Variants in CNTN5 observed in about 807,000 individuals in gnomAD.
CNTN5 encodes contactin 5.
CNTN5 carries 77 observed loss-of-function variants against 129.1 expected under a neutral mutation model. That is an observed-to-expected ratio of 0.60 (90% CI 0.50 to 0.72). The LOEUF is 0.72. Ranked by LOEUF, CNTN5 falls within the 30% of genes least tolerant of loss-of-function variation. CNTN5 has a pLI of 0.00. For missense variants in CNTN5, 1,478 were observed against 1,328.8 expected (o/e 1.11, Z -1.75); for synonymous variants, 509 against 465.6 (o/e 1.09, Z -1.20).
chr11:100,105,412 G>T (rs919265226), intron 13 of CNTN5, among the ~76,000 whole-genome samples: 2 of 152,202 alleles, frequency 1.3e-5, no homozygotes, highest in African/African-American at 2.4e-5. Context: ...TGAGACTTCC[G>T]GTACATCAAA....
chr11:99,109,908 T>G (rs1857708678), intron 1 of CNTN5, among the ~76,000 whole-genome samples: 1 of 152,146 alleles, frequency 6.6e-6, no homozygotes, highest in Non-Finnish European at 1.5e-5. Flanking sequence ...TCCTAGAATC[T>G]TTACTAAGCT....
intron 2 of CNTN5, among the ~76,000 whole-genome samples, chr11:99,542,964 A>G (rs1948165296): frequency 6.6e-6 from 1 of 152,234 alleles, no homozygotes; most frequent in Non-Finnish European, 1.5e-5. Flanking sequence ...AGGCTGCCTC[A>G]TAAAGGCCAT....
At chr11:99,496,193 C>T (rs1946217650) in intron 2 of CNTN5, among the ~76,000 whole-genome samples, 1 of 152,004 alleles carries the variant, frequency 6.6e-6, no homozygotes, top group Non-Finnish European at 1.5e-5. Context: ...GATAGAGAAG[C>T]GTGACGAGGA....
At chr11:100,007,171 C>A (rs1297351498) in intron 9 of CNTN5, among the ~76,000 whole-genome samples, 1 of 151,962 alleles carries the variant, frequency 6.6e-6, no homozygotes, top group Non-Finnish European at 1.5e-5. Context: ...TGTCACCAGG[C>A]TTTGTTGTTC....
At chr11:100,176,700 C>A (rs1023804216) in intron 13 of CNTN5, among the ~76,000 whole-genome samples, 1 of 151,822 alleles carries the variant, frequency 6.6e-6, no homozygotes, top group Non-Finnish European at 1.5e-5. Context: ...GAAGTCTGAG[C>A]AATTTAGAGA....
intron 1 of CNTN5, among the ~76,000 whole-genome samples, chr11:99,271,541 T>C (rs192960428): frequency 8.6e-5 from 13 of 151,990 alleles, no homozygotes; most frequent in African/African-American, 3.1e-4. Flanking sequence ...GCCTAAAGCA[T>C]CATATATTTA....
chr11:99,443,667 C>A (rs1943934952), intron 2 of CNTN5, among the ~76,000 whole-genome samples: 1 of 152,124 alleles, frequency 6.6e-6, no homozygotes, highest in African/African-American at 2.4e-5. Flanking sequence ...GCTATGCTTT[C>A]CTGAGACAGT....
intron 1 of CNTN5, among the ~76,000 whole-genome samples, chr11:99,091,693 C>T (rs769346168): frequency 6.6e-5 from 10 of 152,176 alleles, no homozygotes; most frequent in Non-Finnish European, 1.2e-4. Flanking sequence ...CTTACTTTGG[C>T]TTCTTTTTGT....
chr11:99,339,223 A>G (rs1866398224), intron 2 of CNTN5, among the ~76,000 whole-genome samples: 1 of 152,074 alleles, frequency 6.6e-6, no homozygotes, highest in Non-Finnish European at 1.5e-5. Flanking sequence ...TCCTTTTGAA[A>G]TTCACTTTCT....
chr11:99,040,903 A>G, intron 1 of CNTN5, among the ~76,000 whole-genome samples: 1 of 152,146 alleles, frequency 6.6e-6, no homozygotes, highest in Non-Finnish European at 1.5e-5. Context: ...TCACAATTTT[A>G]GGGCTCATTA....
chr11:99,611,792 A>G (rs1950599404), intron 3 of CNTN5, among the ~76,000 whole-genome samples: 1 of 152,196 alleles, frequency 6.6e-6, no homozygotes, highest in Admixed American at 6.5e-5. Flanking sequence ...TTACATATGG[A>G]AAAGTTGTCT....
intron 9 of CNTN5, among the ~76,000 whole-genome samples, chr11:100,015,639 A>G (rs568865289): frequency 4.3e-4 from 65 of 152,282 alleles, no homozygotes; most frequent in African/African-American, 1.5e-3. Context: ...GGGTGGTGGT[A>G]CGGAAAAACT....
At chr11:99,645,103 T>TAAAAAAA (rs796095561) in intron 3 of CNTN5, among the ~76,000 whole-genome samples, 1 of 144,646 alleles carries the variant, frequency 6.9e-6, no homozygotes, top group African/African-American at 2.6e-5. Flanking sequence ...GTCTCTACTT[T>TAAAAAAA]AAAAAAAAAA....
At chr11:100,219,746 A>G (rs1949221613) in intron 15 of CNTN5, among the ~76,000 whole-genome samples, 1 of 152,222 alleles carries the variant, frequency 6.6e-6, no homozygotes, top group African/African-American at 2.4e-5. Context: ...ATACTTCATC[A>G]TAATACACAT....
intron 6 of CNTN5, among the ~76,000 whole-genome samples, chr11:99,846,155 C>G (rs999711125): frequency 6.6e-6 from 1 of 151,210 alleles, no homozygotes; most frequent in African/African-American, 2.4e-5. Flanking sequence ...CACACACACA[C>G]ACACACGAAT....
intron 17 of CNTN5, among the ~76,000 whole-genome samples, chr11:100,262,734 A>C (rs1359717648): frequency 6.6e-6 from 1 of 152,224 alleles, no homozygotes; most frequent in African/African-American, 2.4e-5. Context: ...GTGGAAGTTG[A>C]ACAAGGAAAA....
At chr11:99,326,854 T>C (rs1684853933) in intron 2 of CNTN5, among the ~76,000 whole-genome samples, 1 of 152,152 alleles carries the variant, frequency 6.6e-6, no homozygotes, top group Non-Finnish European at 1.5e-5. Context: ...TATTCTAACA[T>C]TAGACAGATT....
At chr11:99,939,603 T>TCAA (rs1475434425) in intron 7 of CNTN5, among the ~76,000 whole-genome samples, 1 of 150,482 alleles carries the variant, frequency 6.6e-6, no homozygotes, top group Non-Finnish European at 1.5e-5. Flanking sequence ...TGCCACTGTA[T>TCAA]CAATAGTCAA....
chr11:99,639,841 G>T (rs946250669), intron 3 of CNTN5, among the ~76,000 whole-genome samples: 1 of 152,032 alleles, frequency 6.6e-6, no homozygotes, highest in Non-Finnish European at 1.5e-5. Context: ...TGGGATTACC[G>T]GTGTGAGCCA....
Sources: allele counts gnomAD v4.1 joint callset (sites outside exome capture counted in the v4.1 genomes callset), GRCh38; gene constraint gnomAD v4.1.1; transcripts MANE v1.5; gene names NCBI Gene and HGNC (gene_info 2026-07-23, HGNC 2026-07-21).